KBTBD4: variants seen among roughly 807,000 people sequenced by gnomAD.
The protein encoded by KBTBD4 is kelch repeat and BTB domain-containing protein 4.
In KBTBD4, 30 loss-of-function variants were observed where a neutral mutation model predicts 43.9. That is an observed-to-expected ratio of 0.68 (90% confidence interval 0.51 to 0.93). The LOEUF (loss-of-function observed/expected upper bound fraction) is 0.93. KBTBD4 is among the 40% of genes least tolerant of loss of function. The pLI is 0.00. For missense variants in KBTBD4, 575 were observed against 668.8 expected, an observed-to-expected ratio of 0.86 and a Z score of 1.55; for synonymous variants, 258 against 256.9, an observed-to-expected ratio of 1.00 and a Z score of -0.04.
intron 2 of KBTBD4, among the ~76,000 whole-genome samples, chr11:47,576,158 C>CTTTTTT (rs11345162): frequency 2.0e-5 from 1 of 49,094 alleles, no homozygotes; most frequent in Non-Finnish European, 3.4e-5. Context: ...GCGGGTCTTG[C>CTTTTTT]TTTTTTTTTT....
chr11:47,573,369 C>A lies in KBTBD4; in HGVS notation c.1166G>T (p.Gly389Val), dbSNP rs923366379. 6.2e-7 allele frequency: 1 copy of A among 1,614,210 alleles called. No individual in the cohort carries two copies. The highest frequency in any genetic ancestry group is 8.5e-7 in the Non-Finnish European group (1 of 1,180,046). ...GTAGATGATCCCGTTGAGGTTGGCA[C>A]CAGCAGCCCCTGACACAGCCACCTC... ...QLEVAVSGAA[G>V]ANLNGIIYLL... The change falls in exon 4 of 4, where the codon GGT (glycine) becomes GTT (valine). Residue 389 changes from glycine (G) to valine (V), a missense_variant. By Grantham distance (109) the Gly-to-Val change is moderately radical. Transcript: ENST00000430070. The surrounding 1 kb of genome is among the most constrained non-coding windows in gnomAD (Gnocchi z 4.1).
In KBTBD4 at chr11:47,577,704, A is replaced by T. The variant is rs1184772110; in HGVS notation, c.344T>A (p.Leu115Gln). ...QDVSESVFQL[L>Q]VDYIYHGTVK... is the part of the protein sequence containing the mutation. ...AGTCCCATGGTAGATATAATCAACC[A>T]GGAGCTGGAAAACAGACTCGCTGAC... The change falls in exon 2 of 4, where the codon CTG (leucine) becomes CAG (glutamine). Residue 115 changes from leucine (L) to glutamine (Q), a missense_variant. Leu to Gln is a moderately radical substitution (Grantham distance 113). Coordinates refer to ENST00000430070, the MANE Select transcript of KBTBD4 (RefSeq NM_018095.6). 6.2e-7 allele frequency: 1 copy of T among 1,614,226 alleles called. No individual in the cohort carries two copies. Among genetic ancestry groups the T allele is most frequent in the African/African-American group, 1.3e-5 (1 of 75,064 alleles).
At chr11:47,578,906 C>T in intron 1 of KBTBD4, 27 bp downstream of exon 1, 2 of 1,551,680 alleles carry the variant, frequency 1.3e-6, no homozygotes, top group South Asian at 2.4e-5. Context: ...CTCACGATTT[C>T]CCTACCTGCC....
chr11:47,578,076 G>A, intron 1 of KBTBD4, 48 bp from the exon 2 acceptor site: 3 of 1,603,718 alleles, frequency 1.9e-6, no homozygotes, highest in Admixed American at 1.7e-5. Context: ...CACAGCCATA[G>A]TCTGTGAATC....
chr11:47,578,579 G>A lies in KBTBD4; in HGVS notation c.19+354C>T, dbSNP rs866011124. On this transcript the variant is annotated intron_variant, in intron 1 of 3. Coordinates refer to ENST00000430070, the MANE Select transcript of KBTBD4 (RefSeq NM_018095.6). ...TGAGCTGCTTCCCCCACACTTCCCC[G>A]CTCGCTCGAAAGACTCCCTATGGCT... The A allele has an allele frequency of 4.3e-6, 3 of 704,918 alleles. No homozygotes were observed. In the African/African-American group the frequency reaches 5.2e-5, roughly 12 times the overall value. The allele number at this position is 704,918 out of a possible 1,614,324, so 43.7% of individuals were successfully genotyped here. A position where few individuals can be genotyped will look rare whatever the true frequency, so the allele number is the denominator to read the frequency against.
chr11:47,578,509 G>A (rs2097264640), intron 1 of KBTBD4: 3 of 643,182 alleles, frequency 4.7e-6, no homozygotes, highest in Admixed American at 2.8e-5. Context: ...CGCTCCATAT[G>A]AAGCCTAGCC....
chr11:47,574,773 G>A (rs929816351), intron 3 of KBTBD4, among the ~76,000 whole-genome samples: 1 of 152,096 alleles, frequency 6.6e-6, no homozygotes, highest in African/African-American at 2.4e-5. Context: ...AAAATCGCTT[G>A]AACCCAGGAG....
At chr11:47,578,446 CT>C (rs1331454096) in intron 1 of KBTBD4, 2 of 570,510 alleles carry the variant, frequency 3.5e-6, no homozygotes, top group Non-Finnish European at 3.1e-6. Context: ...AAAAGGACCC[CT>C]GGCCCCGGCC....
intron 1 of KBTBD4, chr11:47,578,648 G>A: frequency 2.4e-6 from 2 of 826,660 alleles, no homozygotes; most frequent in Non-Finnish European, 3.9e-6. Context: ...CCGGGGCACT[G>A]GGAGGCCCAT....
At chr11:47,578,887 C>T (rs1565938926) in intron 1 of KBTBD4, 46 bp downstream of exon 1, 3 of 1,551,440 alleles carry the variant, frequency 1.9e-6, no homozygotes, top group African/African-American at 1.4e-5. Flanking sequence ...GAGCTAGGAC[C>T]ACGCTCACCT....
Position 47,573,793 on chromosome 11 carries a change from A to G in KBTBD4, c.745-3T>C, listed in dbSNP as rs757673059. The G allele has an allele frequency of 3.2e-6, 5 of 1,564,638 alleles. No individual in the cohort carries two copies. The highest frequency in any genetic ancestry group is 4.3e-6 in the Non-Finnish European group (5 of 1,156,812). On this transcript the variant is annotated splice_polypyrimidine_tract_variant and splice_region_variant and intron_variant, in intron 3 of 3. Coordinates refer to ENST00000430070, the MANE Select transcript of KBTBD4 (RefSeq NM_018095.6). This position sits in a 1 kb window ranked among gnomAD's most constrained non-coding sequence, Gnocchi z 4.1. ...ATGTGCACATTCTCCCCAATTTCCT[A>G]TTGGCAAAATTAAAATTATATGACA... is the stretch of plus-strand genomic sequence containing the variant.
chr11:47,573,471 G>T lies in KBTBD4; in HGVS notation c.1064C>A (p.Thr355Lys). ...KDAIYSLGGK[T>K]LQDTLSNAVI... The stretch of plus-strand genomic sequence containing the variant: ...TGCGTTGGAGAGGGTATCTTGCAGT[G>T]TCTTGCCACCCAGTGAATATATGGC... The change falls in exon 4 of 4, where the codon ACA becomes AAA. Residue 355 changes from threonine to lysine, a missense_variant. Thr to Lys is a moderately conservative substitution (Grantham distance 78). Transcript: ENST00000430070. This position sits in a 1 kb window ranked among gnomAD's most constrained non-coding sequence, Gnocchi z 4.1. 6.2e-7 allele frequency: 1 copy of T among 1,614,214 alleles called. No homozygotes were observed. Among genetic ancestry groups the T allele is most frequent in the Non-Finnish European group, 8.5e-7 (1 of 1,180,048 alleles).
intron 1 of KBTBD4, chr11:47,578,699 G>C (rs1350985262): frequency 8.0e-7 from 1 of 1,248,344 alleles, no homozygotes; most frequent in South Asian, 1.4e-5. Context: ...AGTCGTCTTG[G>C]AAACGGTCGC....
intron 3 of KBTBD4, among the ~76,000 whole-genome samples, chr11:47,574,322 C>T (rs546970980): frequency 6.6e-6 from 1 of 152,020 alleles, no homozygotes; most frequent in Non-Finnish European, 1.5e-5. Context: ...TATGGTGAAA[C>T]CCTGTCTCTA....
intron 1 of KBTBD4, 68 bp downstream of exon 1, chr11:47,578,865 C>A (rs984729681): frequency 5.8e-6 from 9 of 1,550,870 alleles, no homozygotes; most frequent in Non-Finnish European, 2.6e-6. Flanking sequence ...TCTCTCTAGG[C>A]TCTGCCACAA....
At position 47,577,497 on chromosome 11, in the gene KBTBD4, T is replaced by G; in HGVS notation, c.551A>C (p.His184Pro). Residue 184 changes from histidine (H) to proline (P), a missense_variant, in exon 2 of 4, where the codon CAC becomes CCC. His to Pro is a moderately conservative substitution (Grantham distance 77). Transcript: ENST00000430070. ...CTGGGCCAGGTGGGTCTTGGCACAG[T>G]GCTTGGCAGCCGTATAGAGCTCAGG... The part of the protein sequence containing the change: ...SDPELYTAAK[H>P]CAKTHLAQLQ... 1 of 1,614,138 alleles carries G rather than the reference T, an allele frequency of 6.2e-7. No individual in the cohort carries two copies. The highest frequency in any genetic ancestry group is 2.2e-5 in the East Asian group (1 of 44,878).
In KBTBD4 at chr11:47,577,435, G is replaced by T. The variant is rs374193777; in HGVS notation, c.613C>A (p.Arg205Ser). The T allele has an allele frequency of 6.2e-7, 1 of 1,608,088 alleles. No homozygotes were observed. The highest frequency in any genetic ancestry group is 8.5e-7 in the Non-Finnish European group (1 of 1,175,122). The stretch of plus-strand genomic sequence containing the variant: ...CCCGAGATGATATCTGTGAGTAAGC[G>T]GTGGGGCAAGTGGAGAAATTCCTCT... ...NTEEFLHLPH[R>S]LLTDIISDGV... Residue 205 changes from arginine to serine, a missense_variant, in exon 2 of 4, where the codon CGC (arginine) becomes AGC (serine). Arg to Ser is a moderately radical substitution (Grantham distance 110). Coordinates refer to ENST00000430070, the MANE Select transcript of KBTBD4 (RefSeq NM_018095.6).
In KBTBD4 at chr11:47,573,441, A is replaced by G; in HGVS notation, c.1094T>C (p.Ile365Thr). Residue 365 changes from isoleucine to threonine, a missense_variant, in exon 4 of 4, where the codon ATT becomes ACT. Coordinates refer to ENST00000430070, the MANE Select transcript of KBTBD4 (RefSeq NM_018095.6). This position sits in a 1 kb window ranked among gnomAD's most constrained non-coding sequence, Gnocchi z 4.1. The part of the protein sequence containing the change: ...TLQDTLSNAV[I>T]YYRVGDNVWT... ...CACATTATCACCTACGCGATAATAA[A>G]TGACTGCGTTGGAGAGGGTATCTTG... The G allele has an allele frequency of 6.2e-7, 1 of 1,614,210 alleles. No individual in the cohort carries two copies. The highest frequency in any genetic ancestry group is 8.5e-7 in the Non-Finnish European group (1 of 1,180,040).
Position 47,573,541 on chromosome 11 carries a change from G to A in KBTBD4, c.994C>T (p.Arg332Trp), listed in dbSNP as rs931437850. 3 of 1,614,046 alleles carry A rather than the reference G, an allele frequency of 1.9e-6. No individual in the cohort carries two copies. Among genetic ancestry groups the A allele is most frequent in the African/African-American group, 2.7e-5 (2 of 74,910 alleles). The stretch of plus-strand genomic sequence containing the variant: ...ACCAGGGTGTGCTGGAGCCGGTCCC[G>A]AGGCAAAGGAGCACACCACTCCCAG... The part of the protein sequence containing the change: ...VDWEWCAPLP[R>W]DRLQHTLVSV... Residue 332 changes from arginine (R) to tryptophan (W), a missense_variant, in exon 4 of 4, where the codon CGG (arginine) becomes TGG (tryptophan). Coordinates refer to ENST00000430070, the MANE Select transcript of KBTBD4 (RefSeq NM_018095.6). The surrounding 1 kb of genome is among the most constrained non-coding windows in gnomAD (Gnocchi z 4.1).
Sources: allele counts gnomAD v4.1 joint callset (sites outside exome capture counted in the v4.1 genomes callset), GRCh38; gene constraint gnomAD v4.1.1; non-coding constraint Gnocchi (gnomAD v3.1); transcripts MANE v1.5; gene names NCBI Gene and HGNC (gene_info 2026-07-23, HGNC 2026-07-21).